Variants in DNAH3 observed in about 807,000 individuals in gnomAD.
DNAH3 encodes the protein dynein axonemal heavy chain 3.
A neutral mutation model predicts 432.5 loss-of-function variants in DNAH3; 332 were observed. The ratio of observed to expected loss-of-function variants is 0.77; its 90% CI spans 0.70 to 0.84. The LOEUF (loss-of-function observed/expected upper bound fraction) is 0.84, where lower values mean the gene tolerates loss of function less well. Ranked by LOEUF, DNAH3 falls within the 40% of genes least tolerant of loss-of-function variation. The pLI, the probability that DNAH3 is intolerant of heterozygous loss-of-function variation, is 0.00. For synonymous variants in DNAH3, 1,956 were observed against 1,900.2 expected (o/e 1.03, Z -0.76); for missense variants, 4,861 against 5,114.0 (o/e 0.95, Z 1.51).
intron 44 of DNAH3, among the ~76,000 whole-genome samples, chr16:20,990,951 G>C (rs778976479): frequency 1.3e-5 from 2 of 152,090 alleles, no homozygotes; most frequent in African/African-American, 2.4e-5. Flanking sequence ...AATCCGGGAG[G>C]CAGAGGTTAC....
intron 11 of DNAH3, among the ~76,000 whole-genome samples, chr16:21,120,105 CTT>C (rs35011784): frequency 8.6e-5 from 11 of 128,564 alleles, no homozygotes; most frequent in Non-Finnish European, 1.1e-4. Context: ...TCCCTACCAA[CTT>C]TTTTTTTTTT....
At chr16:21,034,144 G>T in intron 35 of DNAH3, 59 bp from the exon 36 acceptor site, 1 of 1,173,606 alleles carries the variant, frequency 8.5e-7, no homozygotes, top group Non-Finnish European at 1.3e-6. Flanking sequence ...CCCATTGTGA[G>T]TTAGTCAGAA....
intron 61 of DNAH3, among the ~76,000 whole-genome samples, chr16:20,933,724 G>T (rs551697058): frequency 1.2e-4 from 18 of 152,294 alleles, no homozygotes; most frequent in African/African-American, 4.3e-4. Context: ...CCCAATGGTG[G>T]GCTAGAGAAT....
At chr16:21,064,295 T>C (rs2090464672) in intron 24 of DNAH3, among the ~76,000 whole-genome samples, 1 of 152,108 alleles carries the variant, frequency 6.6e-6, no homozygotes, top group Non-Finnish European at 1.5e-5. Context: ...GTCCAGCCAG[T>C]AGGAAGCCAA....
intron 16 of DNAH3, chr16:21,104,181 C>T (rs1020766162): frequency 1.8e-5 from 5 of 283,642 alleles, no homozygotes; most frequent in African/African-American, 8.6e-5. Context: ...TTGGGGAGGC[C>T]GTTATAACAT....
chr16:21,066,409 C>A (rs1451618479), intron 24 of DNAH3, among the ~76,000 whole-genome samples: 1 of 151,992 alleles, frequency 6.6e-6, no homozygotes, highest in African/African-American at 2.4e-5. Context: ...ACTCTGTTGC[C>A]CAGGCTGGAG....
intron 38 of DNAH3, among the ~76,000 whole-genome samples, chr16:21,026,028 G>A (rs1009896123): frequency 5.9e-5 from 9 of 151,964 alleles, no homozygotes; most frequent in African/African-American, 1.4e-4. Flanking sequence ...ATAAGTCATC[G>A]TACCTGGCCA....
chr16:20,978,529 A>AAGAAATAATTATAATAAAATAAAG lies in DNAH3; in HGVS notation c.8076+777_8076+800dup, dbSNP rs2085703404. ...CAGTAAGAGAGAGATTGCGTCTCGAAAGAAATAATTATAATAAAATAAAGA... is the reference window on the plus strand; with the variant it reads ...CAGTAAGAGAGAGATTGCGTCTCGAAAGAAATAATTATAATAAAATAAAGAGAAATAATTATAATAAAATAAAGA... On this transcript the variant is annotated intron_variant, in intron 50 of 61. Coordinates refer to ENST00000261383, the Ensembl canonical transcript of DNAH3. Among the ~76,000 whole-genome samples the AAGAAATAATTATAATAAAATAAAG allele has an allele frequency of 2.6e-5, 4 of 152,176 alleles. No homozygotes were observed. The East Asian group carries it at 7.7e-4, about 29-fold the overall frequency.
At position 20,952,320 on chromosome 16, in the gene DNAH3, T is replaced by C; in HGVS notation, c.11188+113A>G. 5 of 696,432 alleles carry C rather than the reference T, an allele frequency of 7.2e-6. No individual in the cohort carries two copies. The Admixed American group carries it at 1.0e-4, about 14-fold the overall frequency. The allele number at this position is 696,432 out of a possible 1,614,324, so 43.1% of individuals were successfully genotyped here. A position where few individuals can be genotyped will look rare whatever the true frequency, so the allele number is the denominator to read the frequency against. On this transcript the variant is annotated intron_variant, in intron 56 of 61. Coordinates refer to ENST00000261383, the Ensembl canonical transcript of DNAH3. The stretch of plus-strand genomic sequence containing the variant: ...GACCAGCATTAGTAAGAGCTCGATG[T>C]TTATGGTGAGGGAGGGAGGGAGTAC...
At chr16:21,062,738 A>G in intron 24 of DNAH3, 55 bp from the exon 25 acceptor site, 1 of 1,464,806 alleles carries the variant, frequency 6.8e-7, no homozygotes, top group Non-Finnish European at 9.4e-7. Flanking sequence ...AACTTTTTCT[A>G]GCAAGGTGAT....
At chr16:21,111,755 A>C (rs768669872) in exon 14 of DNAH3, 1 of 1,613,974 alleles carries the variant, frequency 6.2e-7, no homozygotes, top group Non-Finnish European at 8.5e-7. Context: ...AGGCACGGTG[A>C]TGTTCATGGA....
chr16:21,093,242 A>T (rs62034934), intron 18 of DNAH3, among the ~76,000 whole-genome samples: 109 of 152,330 alleles, frequency 7.2e-4, no homozygotes, highest in Non-Finnish European at 1.3e-3. Context: ...ACAAAACTAA[A>T]CATATTCTTA....
At chr16:20,944,052 T>C (rs1406051383) in intron 58 of DNAH3, among the ~76,000 whole-genome samples, 6 of 151,948 alleles carry the variant, frequency 3.9e-5, no homozygotes. Flanking sequence ...CACCAACTGT[T>C]CACTGTTCAG....
At position 21,104,381 on chromosome 16, in the gene DNAH3, T is replaced by TGG; in HGVS notation, c.2366+88_2366+89dup. 5.3e-6 allele frequency: 6 copies of TGG among 1,138,386 alleles called. No individual in the cohort carries two copies. The South Asian group carries it at 7.7e-5, about 15-fold the overall frequency. The allele number at this position is 1,138,386 out of a possible 1,614,324, so 70.5% of individuals were successfully genotyped here. ...GCCCACACGTTGCCATGGAGTGAGC[T>TGG]GGGGGATGGCTTAGACAGAACCAGG... is the stretch of plus-strand genomic sequence containing the variant. On this transcript the variant is annotated intron_variant, in intron 16 of 61. Transcript: ENST00000261383.
intron 23 of DNAH3, among the ~76,000 whole-genome samples, chr16:21,068,153 A>G (rs973916393): frequency 5.3e-5 from 8 of 152,172 alleles, no homozygotes; most frequent in African/African-American, 1.9e-4. Context: ...AGAAAGGAAA[A>G]TGATTTGACC....
At position 20,949,689 on chromosome 16, in the gene DNAH3, C is replaced by T. The variant is rs148489258; in HGVS notation, c.11189-1052G>A. On this transcript the variant is annotated intron_variant, in intron 56 of 61. Coordinates refer to ENST00000261383, the Ensembl canonical transcript of DNAH3. ...TAACTGTGCCCCTGATAGAGAATTACAACGAGCAAAGACTCTTGCTAATTC... is the reference window on the plus strand; with the variant it reads ...TAACTGTGCCCCTGATAGAGAATTATAACGAGCAAAGACTCTTGCTAATTC... Among the ~76,000 whole-genome samples the T allele has an allele frequency of 1.3e-3, 203 of 152,280 alleles. 3 individuals are homozygous for T. In the East Asian group the frequency reaches 0.035, roughly 26 times the overall value.
intron 41 of DNAH3, among the ~76,000 whole-genome samples, chr16:21,011,496 A>G (rs1158446156): frequency 1.3e-5 from 2 of 152,088 alleles, no homozygotes; most frequent in African/African-American, 4.8e-5. Context: ...AGCTGAGAAT[A>G]GAGGTGTGTG....
At chr16:21,144,362 A>G (rs1304905459) in intron 3 of DNAH3, among the ~76,000 whole-genome samples, 2 of 152,176 alleles carry the variant, frequency 1.3e-5, no homozygotes, top group African/African-American at 2.4e-5. Context: ...CTCTAAGGGA[A>G]GCCAGAAGCC....
chr16:21,069,548 C>G (rs1360515507), exon 23 of DNAH3: 2 of 1,613,420 alleles, frequency 1.2e-6, no homozygotes, highest in East Asian at 4.5e-5. Context: ...GCATTTCAAC[C>G]AGGCATCCAA....
Sources: allele counts gnomAD v4.1 joint callset (sites outside exome capture counted in the v4.1 genomes callset), GRCh38; gene constraint gnomAD v4.1.1; transcripts MANE v1.5; gene names NCBI Gene and HGNC (gene_info 2026-07-23, HGNC 2026-07-21).